Variants in CHRM5 observed in about 807,000 individuals in gnomAD.
The protein encoded by CHRM5 is cholinergic receptor muscarinic 5, also known as muscarinic acetylcholine receptor M5.
CHRM5 carries 18 observed loss-of-function variants against 39.0 expected under a neutral mutation model. The observed-to-expected ratio is 0.46, with a 90% CI of 0.32 to 0.68. The LOEUF is 0.68. Ranked by LOEUF, CHRM5 falls within the 30% of genes least tolerant of loss-of-function variation. The pLI is 0.04. For missense variants in CHRM5, 515 were observed against 651.1 expected, an observed-to-expected ratio of 0.79 and a Z score of 2.28; for synonymous variants, 241 against 246.3, an observed-to-expected ratio of 0.98 and a Z score of 0.20.
At chr15:33,972,503 A>AATAAACAAAAAC (rs1555511830) in intron 1 of CHRM5, 4 of 151,628 alleles carry the variant, frequency 2.6e-5, no homozygotes, top group Non-Finnish European at 5.9e-5. Context: ...TGGATTTGTT[A>AATAAACAAAAAC]AAAAACAAAA....
Position 34,063,987 on chromosome 15 carries a change from C to G in CHRM5, c.1270C>G (p.His424Asp). Residue 424 changes from histidine (H) to aspartate (D), a missense_variant, in exon 3 of 3, where the codon CAT becomes GAT. Coordinates refer to ENST00000383263, the MANE Select transcript of CHRM5 (RefSeq NM_012125.4). The surrounding 1 kb of genome is among the most constrained non-coding windows in gnomAD (Gnocchi z 4.1). The part of the protein sequence containing the change: ...STKGLNPNPS[H>D]QMTKRKRVVL... ...GAAAGGCCTCAATCCCAACCCCAGCCATCAAATGACCAAACGAAAGAGAGT... is the reference window on the plus strand; with the variant it reads ...GAAAGGCCTCAATCCCAACCCCAGCGATCAAATGACCAAACGAAAGAGAGT... 6.2e-7 allele frequency: 1 copy of G among 1,614,206 alleles called. No individual in the cohort carries two copies. The highest frequency in any genetic ancestry group is 8.5e-7 in the Non-Finnish European group (1 of 1,180,038).
At chr15:33,985,691 C>A (rs1009288018) in intron 1 of CHRM5, among the ~76,000 whole-genome samples, 2 of 152,050 alleles carry the variant, frequency 1.3e-5, no homozygotes, top group African/African-American at 4.8e-5. Flanking sequence ...GCATGATACA[C>A]CTGATTCCTT....
intron 1 of CHRM5, chr15:34,018,549 T>A (rs2684958): frequency 0.62 from 94,509 of 151,516 alleles, 34,427 homozygotes; most frequent in Non-Finnish European, 0.82. Context: ...ACTTCAGGAA[T>A]GAAGCCGCAG....
chr15:34,038,876 CCGGCCACGGCCA>C, intron 1 of CHRM5: 1 of 1,145,438 alleles, frequency 8.7e-7, no homozygotes, highest in Non-Finnish European at 1.1e-6. Context: ...CGCGGAAGCC[CCGGCCACGGCCA>C]CGGCCCCGGC....
intron 1 of CHRM5, among the ~76,000 whole-genome samples, chr15:33,971,847 T>C (rs1348918264): frequency 6.6e-6 from 1 of 152,124 alleles, no homozygotes; most frequent in East Asian, 1.9e-4. Context: ...AAGGATGTAG[T>C]TCACCATGAA....
chr15:34,028,349 G>GAGTTCGAGACC (rs1898597526), intron 1 of CHRM5, among the ~76,000 whole-genome samples: 1 of 152,132 alleles, frequency 6.6e-6, no homozygotes, highest in Non-Finnish European at 1.5e-5. Context: ...TGGTTCACTT[G>GAGTTCGAGACC]AGCCCAGGAG....
rs1373544453 is a variant in CHRM5 at position 34,066,944 on chromosome 15, T to G, written c.*2628T>G. The G allele has an allele frequency of 6.6e-6, 1 of 152,152 alleles. No individual in the cohort carries two copies. The highest frequency in any genetic ancestry group is 2.4e-5 in the African/African-American group (1 of 41,432). 9.4% of individuals were successfully genotyped at this position (152,152 alleles called of 1,614,324 possible). On this transcript the variant is annotated 3_prime_UTR_variant, in exon 3 of 3. Transcript: ENST00000383263. The stretch of plus-strand genomic sequence containing the variant: ...AATATCCCAAACTACTAGGGACAAC[T>G]AGACTTCTATAGAATAGCGGCTTTA...
chr15:33,976,589 T>G (rs546935501), intron 1 of CHRM5, among the ~76,000 whole-genome samples: 70 of 152,192 alleles, frequency 4.6e-4, no homozygotes, highest in Non-Finnish European at 8.5e-4. Flanking sequence ...AGGAACTGGT[T>G]AAAATTTATA....
chr15:33,993,841 T>G (rs1224201819), intron 1 of CHRM5, among the ~76,000 whole-genome samples: 1 of 334 alleles, frequency 3.0e-3, no homozygotes, highest in African/African-American at 8.5e-3. Flanking sequence ...AAAAATAGGG[T>G]TTTTTTTTCC....
intron 2 of CHRM5, among the ~76,000 whole-genome samples, chr15:34,057,302 A>ATTT (rs1900193602): frequency 1.2e-4 from 3 of 25,586 alleles, no homozygotes. Context: ...ACGCCCAGCT[A>ATTT]ATTTTTTTTT....
At chr15:34,042,536 G>A (rs1046911781) in intron 1 of CHRM5, among the ~76,000 whole-genome samples, 1 of 151,770 alleles carries the variant, frequency 6.6e-6, no homozygotes, top group East Asian at 2.0e-4. Context: ...GAGTAGCTAG[G>A]ATTACAGGCA....
At chr15:33,970,123 C>T (rs1895571008) in intron 1 of CHRM5, among the ~76,000 whole-genome samples, 1 of 151,896 alleles carries the variant, frequency 6.6e-6, no homozygotes, top group African/African-American at 2.4e-5. Flanking sequence ...CATATCACAC[C>T]TAACTACGGA....
intron 2 of CHRM5, among the ~76,000 whole-genome samples, chr15:34,047,253 AT>A (rs1324289050): frequency 1.3e-5 from 2 of 151,852 alleles, no homozygotes; most frequent in Non-Finnish European, 2.9e-5. Context: ...AACTTTTTGT[AT>A]TTTTAGTAGA....
At chr15:34,011,429 G>A (rs1246327894) in intron 1 of CHRM5, among the ~76,000 whole-genome samples, 1 of 152,024 alleles carries the variant, frequency 6.6e-6, no homozygotes, top group East Asian at 1.9e-4. Context: ...GCAGTATATG[G>A]CATATATGTG....
chr15:34,020,086 T>C (rs1196814799), intron 1 of CHRM5, among the ~76,000 whole-genome samples: 3 of 152,190 alleles, frequency 2.0e-5, no homozygotes, highest in South Asian at 4.1e-4. Flanking sequence ...CCAAGGTGGG[T>C]GGATCACAAG....
intron 1 of CHRM5, chr15:33,971,925 T>C (rs1009452375): frequency 2.6e-5 from 4 of 152,128 alleles, no homozygotes; most frequent in South Asian, 2.1e-4. Flanking sequence ...TCACAATCTG[T>C]GACTGGGAAG....
At chr15:33,975,892 T>C (rs961566412) in intron 1 of CHRM5, among the ~76,000 whole-genome samples, 5 of 152,184 alleles carry the variant, frequency 3.3e-5, no homozygotes, top group Admixed American at 1.3e-4. Flanking sequence ...ATTGTGCCAC[T>C]GCACTCCAGC....
intron 1 of CHRM5, among the ~76,000 whole-genome samples, chr15:34,006,107 C>T (rs774005726): frequency 9.2e-5 from 14 of 152,124 alleles, no homozygotes; most frequent in Non-Finnish European, 1.9e-4. Context: ...GTGAGGAGAT[C>T]GAGACCATCC....
Position 33,994,901 on chromosome 15 carries a change from T to C in CHRM5, c.-408+25751T>C, listed in dbSNP as rs533496144. Among the ~76,000 whole-genome samples the C allele has an allele frequency of 2.0e-5, 3 of 152,278 alleles. No homozygotes were observed. The East Asian group carries it at 5.8e-4, about 29-fold the overall frequency. On this transcript the variant is annotated intron_variant, in intron 1 of 2. Coordinates refer to ENST00000383263, the MANE Select transcript of CHRM5 (RefSeq NM_012125.4). ...CTAATTTGGGAAGAAAAAAATAACA[T>C]ACAGGCAACCATCCACATTGGTAGA...
Sources: gnomAD v4.1 joint callset for allele counts (sites outside exome capture counted in the v4.1 genomes callset) on GRCh38, gnomAD v4.1.1 for gene constraint, Gnocchi (gnomAD v3.1) non-coding constraint, MANE v1.5 for transcripts, NCBI Gene and HGNC (gene_info 2026-07-23, HGNC 2026-07-21) for gene names.